Variants in CLVS2 observed in about 807,000 individuals in gnomAD.
CLVS2 encodes the protein clavesin 2, also known as clavesin-2.
A neutral mutation model predicts 29.0 loss-of-function variants in CLVS2; 19 were observed. The ratio of observed to expected loss-of-function variants is 0.66; its 90% confidence interval spans 0.46 to 0.96. The LOEUF is 0.96. CLVS2 is among the 40% of genes least tolerant of loss of function. The pLI, the probability that CLVS2 is intolerant of heterozygous loss-of-function variation, is 0.00. For missense variants in CLVS2, 294 were observed against 404.1 expected (o/e 0.73, Z 2.34); for synonymous variants, 161 against 151.3 (o/e 1.06, Z -0.47).
At chr6:123,053,645 A>G (rs1357670454) in intron 4 of CLVS2, among the ~76,000 whole-genome samples, 1 of 152,160 alleles carries the variant, frequency 6.6e-6, no homozygotes, top group African/African-American at 2.4e-5. Context: ...ATGAATATAG[A>G]CAATTCCTTG....
chr6:123,007,124 T>G (rs1774680379), intron 2 of CLVS2, among the ~76,000 whole-genome samples: 1 of 152,186 alleles, frequency 6.6e-6, no homozygotes. Context: ...TTCTATGAAG[T>G]TAAGATTAAG....
chr6:123,061,192 T>C (rs578092141), intron 5 of CLVS2, among the ~76,000 whole-genome samples: 1 of 152,104 alleles, frequency 6.6e-6, no homozygotes, highest in East Asian at 1.9e-4. Flanking sequence ...TCCTGGCTAC[T>C]TGGGGGAGGT....
At chr6:123,020,002 G>C (rs1238708927) in intron 3 of CLVS2, among the ~76,000 whole-genome samples, 1 of 151,878 alleles carries the variant, frequency 6.6e-6, no homozygotes, top group Non-Finnish European at 1.5e-5. Flanking sequence ...TTGACAGATT[G>C]GATGAAGCCT....
At chr6:123,002,543 G>A (rs536835832) in intron 2 of CLVS2, among the ~76,000 whole-genome samples, 3 of 150,466 alleles carry the variant, frequency 2.0e-5, no homozygotes, top group East Asian at 3.9e-4. Context: ...GGGCATTAAT[G>A]CCAATCACAA....
chr6:123,040,328 C>T (rs764302237), intron 3 of CLVS2, among the ~76,000 whole-genome samples: 56 of 151,952 alleles, frequency 3.7e-4, no homozygotes, highest in Non-Finnish European at 6.2e-4. Context: ...AACTGAAAAG[C>T]GGGGATACCT....
At chr6:123,011,545 A>T (rs1774747370) in intron 3 of CLVS2, among the ~76,000 whole-genome samples, 1 of 152,006 alleles carries the variant, frequency 6.6e-6, no homozygotes, top group Non-Finnish European at 1.5e-5. Context: ...AATTTGGGAT[A>T]TGATCAGCAA....
intron 3 of CLVS2, among the ~76,000 whole-genome samples, chr6:123,030,121 G>A (rs1472299836): frequency 6.6e-6 from 1 of 152,206 alleles, no homozygotes; most frequent in Non-Finnish European, 1.5e-5. Flanking sequence ...GTGTTGTCTT[G>A]TAATATTCCA....
chr6:123,066,623 A>G lies in CLVS2; in HGVS notation c.*2862A>G. On this transcript the variant is annotated 3_prime_UTR_variant, in exon 6 of 6. Coordinates refer to ENST00000275162, the MANE Select transcript of CLVS2 (RefSeq NM_001010852.4). ...TGATTCCAAAGCTGGTTTAAAAATA[A>G]ATAACTTCTCTTATGTTGTCAGTGA... 6.6e-6 allele frequency: 1 copy of G among 151,802 alleles called. No homozygotes were observed. Among genetic ancestry groups the G allele is most frequent in the East Asian group, 1.9e-4 (1 of 5,198 alleles). The allele number at this position is 151,802 out of a possible 1,614,324, so 9.4% of individuals were successfully genotyped here.
intron 2 of CLVS2, among the ~76,000 whole-genome samples, chr6:123,002,860 G>A (rs1774610849): frequency 6.6e-6 from 1 of 152,168 alleles, no homozygotes; most frequent in Admixed American, 6.5e-5. Context: ...CTGGAGGCAT[G>A]GCTTTGCCAT....
chr6:123,056,907 C>T (rs1438597451), intron 5 of CLVS2, among the ~76,000 whole-genome samples: 1 of 152,176 alleles, frequency 6.6e-6, no homozygotes, highest in Non-Finnish European at 1.5e-5. Flanking sequence ...CAGTTTTAAT[C>T]TTTATAGAGT....
rs370841712 is a variant in CLVS2 at position 123,010,937 on chromosome 6, G to A, written c.390-48G>A. On this transcript the variant is annotated intron_variant, in intron 2 of 5. Coordinates refer to ENST00000275162, the MANE Select transcript of CLVS2 (RefSeq NM_001010852.4). The stretch of plus-strand genomic sequence containing the variant: ...GCTAGAAAATATTTTATAGCTTTTT[G>A]GAAAAGTGGTTGTCAGACCTAATTT... The A allele has an allele frequency of 1.5e-5, 18 of 1,235,248 alleles. No homozygotes were observed. In the African/African-American group the frequency reaches 2.5e-4, roughly 17 times the overall value. 76.5% of individuals were successfully genotyped at this position (1,235,248 alleles called of 1,614,324 possible).
chr6:122,997,641 A>T lies in CLVS2; in HGVS notation c.-137A>T. On this transcript the variant is annotated 5_prime_UTR_variant, in exon 2 of 6. Transcript: ENST00000275162. The stretch of plus-strand genomic sequence containing the variant: ...ACAGGGCACTTGATTGGACACCAAG[A>T]TTATTAATTTCCTGTAGGGGAGAGG... 1.2e-6 allele frequency: 1 copy of T among 837,314 alleles called. No individual in the cohort carries two copies. Among genetic ancestry groups the T allele is most frequent in the Non-Finnish European group, 1.9e-6 (1 of 526,018 alleles). The allele number at this position is 837,314 out of a possible 1,614,324, so 51.9% of individuals were successfully genotyped here.
intron 3 of CLVS2, among the ~76,000 whole-genome samples, chr6:123,022,523 A>G (rs1774938717): frequency 6.6e-6 from 1 of 151,962 alleles, no homozygotes; most frequent in African/African-American, 2.4e-5. Flanking sequence ...TTCTTTTTCT[A>G]TATGGTAATT....
At chr6:122,997,161 A>G (rs1428127965) in intron 1 of CLVS2, 58 bp from the exon 2 acceptor site, 1 of 166,894 alleles carries the variant, frequency 6.0e-6, no homozygotes, top group African/African-American at 2.4e-5. Flanking sequence ...AAGTACAGGG[A>G]GAAATAATCT....
At chr6:123,002,091 G>A (rs1264629105) in intron 2 of CLVS2, among the ~76,000 whole-genome samples, 2 of 152,116 alleles carry the variant, frequency 1.3e-5, no homozygotes, top group African/African-American at 4.8e-5. Context: ...GTAATTCTCT[G>A]AACTTTAGTA....
At chr6:123,049,334 T>C (rs1227459753) in intron 4 of CLVS2, among the ~76,000 whole-genome samples, 1 of 152,214 alleles carries the variant, frequency 6.6e-6, no homozygotes, top group African/African-American at 2.4e-5. Context: ...ATTGAGATAA[T>C]TTATGTAAAA....
rs1772932692 is a variant in CLVS2, at chr6:123,070,756, G to T, written c.*6995G>T. The T allele has an allele frequency of 6.6e-6, 1 of 151,914 alleles. No homozygotes were observed. Among genetic ancestry groups the T allele is most frequent in the Admixed American group, 6.6e-5 (1 of 15,216 alleles). 9.4% of individuals were successfully genotyped at this position (151,914 alleles called of 1,614,324 possible). On this transcript the variant is annotated 3_prime_UTR_variant, in exon 6 of 6. Coordinates refer to ENST00000275162, the MANE Select transcript of CLVS2 (RefSeq NM_001010852.4). ...TTCTGAAGTTCTCTACCCCGTTCTT[G>T]CCTTTTCTTAGATAATCTCTTAAGA...
chr6:123,024,454 G>T lies in CLVS2; in HGVS notation c.564+13295G>T, dbSNP rs557871433. Among the ~76,000 whole-genome samples the T allele has an allele frequency of 2.6e-5, 4 of 151,982 alleles. No homozygotes were observed. The East Asian group carries it at 7.7e-4, about 29-fold the overall frequency. On this transcript the variant is annotated intron_variant, in intron 3 of 5. Coordinates refer to ENST00000275162, the MANE Select transcript of CLVS2 (RefSeq NM_001010852.4). ...CAACTACATGAAGAGACCCTCAATG[G>T]TAACAAAAACACTCAATTCAGCTAA...
At chr6:123,002,994 C>G (rs1223240495) in intron 2 of CLVS2, among the ~76,000 whole-genome samples, 1 of 152,122 alleles carries the variant, frequency 6.6e-6, no homozygotes, top group Admixed American at 6.6e-5. Context: ...AAATCCTCTG[C>G]TAACTGCAAC....
Sources: gnomAD v4.1 joint callset for allele counts (sites outside exome capture counted in the v4.1 genomes callset) on GRCh38, gnomAD v4.1.1 for gene constraint, MANE v1.5 for transcripts, NCBI Gene and HGNC (gene_info 2026-07-23, HGNC 2026-07-21) for gene names.